Variants in GRM3 observed in about 807,000 individuals in gnomAD.
GRM3 encodes the protein glutamate metabotropic receptor 3.
GRM3 carries 26 observed loss-of-function variants against 70.5 expected under a neutral mutation model. The observed-to-expected ratio is 0.37, with a 90% CI of 0.27 to 0.51. GRM3 has a LOEUF of 0.51. Ranked by LOEUF, GRM3 falls within the 20% of genes least tolerant of loss-of-function variation. The probability of loss-of-function intolerance (pLI) is 0.93; values close to 1 mark genes in which losing one functional copy is unlikely to be tolerated. For missense variants in GRM3, 859 were observed against 1,123.8 expected (o/e 0.76, Z 3.37); for synonymous variants, 443 against 434.9 (o/e 1.02, Z -0.23).
chr7:86,728,768 T>C (rs897391481), intron 1 of GRM3, among the ~76,000 whole-genome samples: 1 of 152,244 alleles, frequency 6.6e-6, no homozygotes, highest in Non-Finnish European at 1.5e-5. Context: ...TTTTATCATT[T>C]AGCTAGTGAG....
At chr7:86,663,170 T>C (rs1793937435) in intron 1 of GRM3, among the ~76,000 whole-genome samples, 1 of 151,852 alleles carries the variant, frequency 6.6e-6, no homozygotes, top group Non-Finnish European at 1.5e-5. Context: ...AGCTGAGCCC[T>C]AGGGTACTTC....
rs918613820 is a variant in GRM3, at chr7:86,763,597, T to C, written c.-140-1409T>C. ...CAGCAAGGCTTTGCCTGATTCCCAA[T>C]AGATTCATACGTTCTAGCCTAGAAT... On this transcript the variant is annotated intron_variant, in intron 1 of 5. Transcript: ENST00000361669. Among the ~76,000 whole-genome samples the C allele has an allele frequency of 3.3e-5, 5 of 152,242 alleles. No homozygotes were observed. In the South Asian group the frequency reaches 1.0e-3, roughly 32 times the overall value.
At chr7:86,829,080 C>G (rs1208026476) in intron 3 of GRM3, among the ~76,000 whole-genome samples, 1 of 152,230 alleles carries the variant, frequency 6.6e-6, no homozygotes, top group African/African-American at 2.4e-5. Context: ...TCTTCAGGCT[C>G]CACTTCTAAT....
rs34101221 is a variant in GRM3, at chr7:86,668,269, A to AT, written c.-141+23409dup. Among the ~76,000 whole-genome samples the AT allele has an allele frequency of 2.4e-3, 359 of 148,954 alleles. 4 individuals carry two copies. The highest frequency in any genetic ancestry group is 6.2e-3 in the South Asian group (29 of 4,682). On this transcript the variant is annotated intron_variant, in intron 1 of 5. Transcript: ENST00000361669. ...TCCAAGGAACAGGTGAAATGTCAAA[A>AT]TTTTTTTTTTTTGTTATTTAGGCCA...
Position 86,675,492 on chromosome 7 carries a change from C to A in GRM3, c.-141+30620C>A, listed in dbSNP as rs145047511. ...AAGTACAGTGAGAGCCAAGAACCTA[C>A]CAGTTGTCTTTAAAAAGTAACACTA... On this transcript the variant is annotated intron_variant, in intron 1 of 5. Coordinates refer to ENST00000361669, the MANE Select transcript of GRM3 (RefSeq NM_000840.3). Among the ~76,000 whole-genome samples, 111 of 152,118 alleles carry A rather than the reference C, an allele frequency of 7.3e-4. No homozygotes were observed. In the East Asian group the frequency reaches 0.018, roughly 24 times the overall value.
At chr7:86,771,527 G>A (rs752410834) in intron 2 of GRM3, among the ~76,000 whole-genome samples, 104 of 152,092 alleles carry the variant, frequency 6.8e-4, no homozygotes, top group African/African-American at 2.5e-3. Flanking sequence ...TATACAGTAG[G>A]CACAGCAAGA....
At chr7:86,790,782 C>T (rs754032632) in intron 3 of GRM3, among the ~76,000 whole-genome samples, 3 of 152,026 alleles carry the variant, frequency 2.0e-5, no homozygotes, top group Non-Finnish European at 4.4e-5. Flanking sequence ...AATCCATTCC[C>T]TACTTCTTTC....
intron 1 of GRM3, among the ~76,000 whole-genome samples, chr7:86,676,254 G>GA (rs934538381): frequency 6.6e-6 from 1 of 151,680 alleles, no homozygotes; most frequent in African/African-American, 2.4e-5. Context: ...ACAAGAACTA[G>GA]AAAAAAATAT....
chr7:86,828,504 A>G (rs1418212042), intron 3 of GRM3, among the ~76,000 whole-genome samples: 2 of 152,232 alleles, frequency 1.3e-5, no homozygotes, highest in Non-Finnish European at 2.9e-5. Context: ...TTTGGTTTCC[A>G]GTGCATATAA....
chr7:86,717,439 T>C (rs1402996027), intron 1 of GRM3, among the ~76,000 whole-genome samples: 2 of 152,002 alleles, frequency 1.3e-5, no homozygotes, highest in Non-Finnish European at 2.9e-5. Flanking sequence ...AGCAAGTGGC[T>C]ATCATTTGAT....
At chr7:86,718,578 A>C (rs904633787) in intron 1 of GRM3, among the ~76,000 whole-genome samples, 5 of 151,946 alleles carry the variant, frequency 3.3e-5, no homozygotes, top group African/African-American at 1.2e-4. Flanking sequence ...TTCCAATGAC[A>C]CTGATGCTGA....
intron 1 of GRM3, among the ~76,000 whole-genome samples, chr7:86,731,527 A>T (rs1047983771): frequency 2.0e-5 from 3 of 152,238 alleles, no homozygotes. Flanking sequence ...TTAACCTAAT[A>T]TACTGCCGGA....
chr7:86,753,658 T>C (rs1002009749), intron 1 of GRM3, among the ~76,000 whole-genome samples: 1 of 152,146 alleles, frequency 6.6e-6, no homozygotes, highest in Admixed American at 6.6e-5. Flanking sequence ...GACACTTGAA[T>C]AGGTTGTGAA....
At chr7:86,658,970 A>G (rs1793824256) in intron 1 of GRM3, among the ~76,000 whole-genome samples, 1 of 152,164 alleles carries the variant, frequency 6.6e-6, no homozygotes, top group African/African-American at 2.4e-5. Context: ...CATTTTGAAA[A>G]CATTTTATCT....
At chr7:86,861,374 T>A (rs1298588963) in intron 5 of GRM3, among the ~76,000 whole-genome samples, 3 of 152,128 alleles carry the variant, frequency 2.0e-5, no homozygotes, top group African/African-American at 7.2e-5. Context: ...ATGAAACAGA[T>A]AAGTAAAACC....
intron 1 of GRM3, among the ~76,000 whole-genome samples, chr7:86,751,116 G>A (rs570527901): frequency 1.9e-4 from 29 of 152,122 alleles, no homozygotes; most frequent in Middle Eastern, 3.4e-3. Context: ...AGGTATCACC[G>A]TGGGCAAGAC....
intron 3 of GRM3, among the ~76,000 whole-genome samples, chr7:86,807,043 G>A (rs1466419251): frequency 1.2e-5 from 1 of 84,026 alleles, no homozygotes; most frequent in Non-Finnish European, 2.2e-5. Context: ...TTTGTCAAAG[G>A]TCAGATGGTT....
intron 3 of GRM3, among the ~76,000 whole-genome samples, chr7:86,809,246 G>A (rs1490148684): frequency 6.6e-6 from 1 of 151,948 alleles, no homozygotes; most frequent in Admixed American, 6.6e-5. Flanking sequence ...ATGTTAAATT[G>A]TAATTTTTAT....
rs765522469 is a variant in GRM3 at position 86,839,565 on chromosome 7, GC to G, written c.2055del (p.Ser686ValfsTer10). The G allele has an allele frequency of 6.2e-7, 1 of 1,610,886 alleles. No individual in the cohort carries two copies. ...KNGAQRPKFI[S>X]PSSQVFICLG... The stretch of plus-strand genomic sequence containing the variant: ...GGCGCTCAGAGGCCAAAATTCATCA[GC>G]CCCAGTTCTCAGGTTTTCATCTGCC... On this transcript the variant is annotated frameshift_variant, in exon 4 of 6. Coordinates refer to ENST00000361669, the MANE Select transcript of GRM3 (RefSeq NM_000840.3). LOFTEE classifies it high-confidence loss of function. The surrounding 1 kb of genome is among the most constrained non-coding windows in gnomAD (Gnocchi z 4.5).
Sources: gnomAD v4.1 joint callset for allele counts (sites outside exome capture counted in the v4.1 genomes callset) on GRCh38, gnomAD v4.1.1 for gene constraint, Gnocchi (gnomAD v3.1) non-coding constraint, MANE v1.5 for transcripts, NCBI Gene and HGNC (gene_info 2026-07-23, HGNC 2026-07-21) for gene names.